Variants in CTNNA2 observed in about 807,000 individuals in gnomAD.
CTNNA2 encodes catenin alpha 2, also known as catenin alpha-2.
In CTNNA2, 42 loss-of-function variants were observed where a neutral mutation model predicts 101.0. The ratio of observed to expected loss-of-function variants is 0.42; its 90% CI spans 0.32 to 0.54. CTNNA2 has a LOEUF of 0.54. Ranked by LOEUF, CTNNA2 falls within the 20% of genes least tolerant of loss-of-function variation. The probability of loss-of-function intolerance (pLI) is 0.14; values close to 1 mark genes in which losing one functional copy is unlikely to be tolerated. For synonymous variants in CTNNA2, 450 were observed against 456.4 expected (o/e 0.99, Z 0.18); for missense variants, 871 against 1,223.1 (o/e 0.71, Z 4.29).
intron 7 of CTNNA2, among the ~76,000 whole-genome samples, chr2:79,972,712 T>C (rs1476108625): frequency 5.3e-5 from 8 of 152,184 alleles, no homozygotes; most frequent in Non-Finnish European, 2.9e-5. Context: ...AGGGCATCCA[T>C]TTAGGGAAGT....
intron 7 of CTNNA2, among the ~76,000 whole-genome samples, chr2:80,157,618 G>C (rs761824448): frequency 3.3e-5 from 5 of 151,970 alleles, no homozygotes; most frequent in Non-Finnish European, 7.4e-5. Flanking sequence ...AGCTGTTCTG[G>C]TGCTGTGTAC....
intron 2 of CTNNA2, among the ~76,000 whole-genome samples, chr2:79,652,310 A>G (rs1681316718): frequency 6.6e-6 from 1 of 151,042 alleles, no homozygotes; most frequent in Non-Finnish European, 1.5e-5. Flanking sequence ...ACAAATTCCT[A>G]TCTACTTAGT....
chr2:79,641,138 C>G (rs1334920981), intron 1 of CTNNA2, among the ~76,000 whole-genome samples: 4 of 152,062 alleles, frequency 2.6e-5, no homozygotes, highest in African/African-American at 4.8e-5. Flanking sequence ...GAATATCTGC[C>G]TGGTTACAAA....
intron 18 of CTNNA2, among the ~76,000 whole-genome samples, chr2:80,629,872 T>C (rs774316813): frequency 4.6e-4 from 70 of 152,194 alleles, no homozygotes; most frequent in Non-Finnish European, 8.8e-4. Flanking sequence ...ATAGGACTGG[T>C]TGAAATCTTG....
chr2:79,613,399 G>C (rs1203487898), intron 1 of CTNNA2, among the ~76,000 whole-genome samples: 2 of 150,600 alleles, frequency 1.3e-5, no homozygotes, highest in Admixed American at 6.6e-5. Flanking sequence ...AAGTTTTAAA[G>C]AGACTTCTAC....
chr2:79,725,810 CCT>C, intron 2 of CTNNA2, among the ~76,000 whole-genome samples: 1 of 152,172 alleles, frequency 6.6e-6, no homozygotes, highest in Middle Eastern at 3.4e-3. Context: ...ATTTATAATC[CCT>C]CTTTCTCCTG....
At chr2:79,648,907 G>T (rs566633942) in intron 1 of CTNNA2, among the ~76,000 whole-genome samples, 2 of 152,230 alleles carry the variant, frequency 1.3e-5, no homozygotes, top group African/African-American at 4.8e-5. Context: ...AATTAGTACC[G>T]TGTAACCTTT....
chr2:80,619,074 T>C lies in CTNNA2; in HGVS notation c.2431-11T>C. The stretch of plus-strand genomic sequence containing the variant: ...TCTCATTCTCTCTTTTCTGTATCTC[T>C]CGGAAATCAGACAGGAGTTCAGAGC... On this transcript the variant is annotated splice_polypyrimidine_tract_variant and intron_variant, in intron 17 of 18. Transcript: ENST00000402739. The C allele has an allele frequency of 2.8e-6, 4 of 1,454,098 alleles. No homozygotes were observed. The highest frequency in any genetic ancestry group is 3.7e-6 in the Non-Finnish European group (4 of 1,095,308). The allele number at this position is 1,454,098 out of a possible 1,614,324, so 90.1% of individuals were successfully genotyped here.
At chr2:80,252,072 C>G (rs1322237453) in intron 7 of CTNNA2, among the ~76,000 whole-genome samples, 2 of 152,176 alleles carry the variant, frequency 1.3e-5, no homozygotes, top group Non-Finnish European at 2.9e-5. Context: ...GGGCAAGCTT[C>G]AGCATGTTGC....
chr2:80,481,807 C>T (rs1686169316), intron 9 of CTNNA2, among the ~76,000 whole-genome samples: 1 of 151,820 alleles, frequency 6.6e-6, no homozygotes. Context: ...TTTAATCATG[C>T]AAACATATAT....
intron 9 of CTNNA2, among the ~76,000 whole-genome samples, chr2:80,459,028 T>C (rs1426374206): frequency 6.6e-6 from 1 of 152,182 alleles, no homozygotes; most frequent in Non-Finnish European, 1.5e-5. Flanking sequence ...ACACAAATAC[T>C]CACCATTGTG....
intron 7 of CTNNA2, among the ~76,000 whole-genome samples, chr2:80,222,658 A>T (rs1228660327): frequency 1.3e-5 from 2 of 152,192 alleles, no homozygotes; most frequent in African/African-American, 4.8e-5. Flanking sequence ...AAACCCTAGG[A>T]AGCCAGGTGG....
intron 4 of CTNNA2, among the ~76,000 whole-genome samples, chr2:79,475,467 T>C (rs746115901): frequency 6.6e-6 from 1 of 152,172 alleles, no homozygotes; most frequent in Non-Finnish European, 1.5e-5. Flanking sequence ...GTTCACAAAG[T>C]GCTAGCATTG....
intron 7 of CTNNA2, among the ~76,000 whole-genome samples, chr2:80,239,867 G>A (rs749463713): frequency 5.3e-5 from 8 of 151,438 alleles, no homozygotes; most frequent in Admixed American, 2.0e-4. Context: ...AGCCGAGATC[G>A]CTCCATTGCA....
At chr2:79,800,646 G>A (rs760617328) in intron 3 of CTNNA2, among the ~76,000 whole-genome samples, 6 of 152,162 alleles carry the variant, frequency 3.9e-5, no homozygotes, top group Non-Finnish European at 7.3e-5. Flanking sequence ...GGAGGATGGC[G>A]AAAGAGAGGG....
At chr2:80,556,381 G>T (rs1342901865) in intron 12 of CTNNA2, among the ~76,000 whole-genome samples, 1 of 152,162 alleles carries the variant, frequency 6.6e-6, no homozygotes, top group African/African-American at 2.4e-5. Flanking sequence ...AAAGCATAAA[G>T]GTTTTAGATA....
intron 6 of CTNNA2, among the ~76,000 whole-genome samples, chr2:79,888,250 G>A (rs949502227): frequency 6.6e-6 from 1 of 152,160 alleles, no homozygotes; most frequent in African/African-American, 2.4e-5. Context: ...GTTCTGCTGG[G>A]TGCTTGGGGA....
At chr2:79,627,394 G>A (rs1679388984) in intron 1 of CTNNA2, among the ~76,000 whole-genome samples, 1 of 152,226 alleles carries the variant, frequency 6.6e-6, no homozygotes, top group African/African-American at 2.4e-5. Context: ...CTACTTTAAG[G>A]GAAGTTTGTG....
chr2:80,646,579 T>C (rs965032769), intron 18 of CTNNA2, among the ~76,000 whole-genome samples: 4 of 151,842 alleles, frequency 2.6e-5, no homozygotes, highest in African/African-American at 7.3e-5. Flanking sequence ...GGCTATAACA[T>C]TGAGACATAA....
Sources: allele counts gnomAD v4.1 joint callset (sites outside exome capture counted in the v4.1 genomes callset), GRCh38; gene constraint gnomAD v4.1.1; transcripts MANE v1.5; gene names NCBI Gene and HGNC (gene_info 2026-07-23, HGNC 2026-07-21).